The following NAV3 variants were observed in gnomAD, a reference collection of about 807,000 sequenced individuals.
NAV3 encodes pore membrane and/or filament interacting like protein 1.
NAV3 carries 87 observed loss-of-function variants against 244.7 expected under a neutral mutation model. The observed-to-expected ratio is 0.36, with a 90% CI of 0.30 to 0.42. The LOEUF (loss-of-function observed/expected upper bound fraction) is 0.42. Ranked by LOEUF, NAV3 falls within the 20% of genes least tolerant of loss-of-function variation. The probability of loss-of-function intolerance (pLI) is 1.00; values close to 1 mark genes in which losing one functional copy is unlikely to be tolerated. For synonymous variants in NAV3, 1,126 were observed against 1,042.2 expected, an observed-to-expected ratio of 1.08 and a Z score of -1.55; for missense variants, 2,663 against 2,893.3, an observed-to-expected ratio of 0.92 and a Z score of 1.83.
Position 78,197,246 on chromosome 12 carries a change from G to A in NAV3, c.6292-1G>A. On this transcript the variant is annotated splice_acceptor_variant, in intron 34 of 39. Transcript: ENST00000397909. LOFTEE classifies it high-confidence loss of function. ...TATCTGTTTTCTTCATTTTTTAAAAGGAATTGCAACAATATCTAGCTAACC... is the reference window on the plus strand; with the variant it reads ...TATCTGTTTTCTTCATTTTTTAAAAAGAATTGCAACAATATCTAGCTAACC... 1.3e-6 allele frequency: 2 copies of A among 1,517,250 alleles called. No individual in the cohort carries two copies. The highest frequency in any genetic ancestry group is 2.4e-5 in the East Asian group (1 of 41,902). 94.0% of individuals were successfully genotyped at this position (1,517,250 alleles called of 1,614,324 possible). A position where few individuals can be genotyped will look rare whatever the true frequency, so the allele number is the denominator to read the frequency against.
At chr12:78,195,807 A>G (rs1454195244) in intron 34 of NAV3, among the ~76,000 whole-genome samples, 1 of 152,006 alleles carries the variant, frequency 6.6e-6, no homozygotes, top group Non-Finnish European at 1.5e-5. Context: ...ATCTCATAAT[A>G]TATTTATGAT....
At chr12:77,665,357 C>A (rs1873668823) in intron 2 of NAV3, among the ~76,000 whole-genome samples, 1 of 152,124 alleles carries the variant, frequency 6.6e-6, no homozygotes, top group South Asian at 2.1e-4. Context: ...TTATATTTAG[C>A]CAGCATCACA....
intron 5 of NAV3, among the ~76,000 whole-genome samples, chr12:77,987,083 A>G (rs112890903): frequency 5.8e-4 from 88 of 152,298 alleles, no homozygotes; most frequent in African/African-American, 2.1e-3. Flanking sequence ...ATTTCTATGT[A>G]AAGTAGATTG....
chr12:78,154,599 C>T (rs769469516), intron 22 of NAV3, among the ~76,000 whole-genome samples: 1 of 151,444 alleles, frequency 6.6e-6, no homozygotes, highest in Non-Finnish European at 1.5e-5. Context: ...ATTCCCTTTA[C>T]TAATACTCAG....
At chr12:78,191,929 A>AT (rs1959000718) in intron 34 of NAV3, among the ~76,000 whole-genome samples, 1 of 152,116 alleles carries the variant, frequency 6.6e-6, no homozygotes, top group Admixed American at 6.6e-5. Context: ...AGCAAAATAG[A>AT]TTTATTGGAG....
intron 8 of NAV3, among the ~76,000 whole-genome samples, chr12:78,014,958 T>A (rs1875925894): frequency 6.6e-6 from 1 of 152,096 alleles, no homozygotes; most frequent in African/African-American, 2.4e-5. Context: ...CATCAGGTAG[T>A]GATTTGCATT....
Position 77,941,096 on chromosome 12 carries a change from A to G in NAV3, c.377A>G (p.Glu126Gly). ...IIQIIANEKV[E>G]DINGCPRSQS... ...TTGGCTTTAGCAAATGAAAAAGTTGAAGATATCAATGGATGTCCTAGAAGT... is the reference window on the plus strand; with the variant it reads ...TTGGCTTTAGCAAATGAAAAAGTTGGAGATATCAATGGATGTCCTAGAAGT... Residue 126 changes from glutamate (E) to glycine (G), a missense_variant, in exon 3 of 40, where the codon GAA becomes GGA. Physicochemically the swap from Glu to Gly is moderately conservative, Grantham distance 98 (BLOSUM62 -2). This residue lies in a region of NAV3 where 1,521 missense variants were observed against 1,497.0 expected (regional missense o/e 1.02). Transcript: ENST00000397909. 6.3e-7 allele frequency: 1 copy of G among 1,584,354 alleles called. No individual in the cohort carries two copies. Among genetic ancestry groups the G allele is most frequent in the Non-Finnish European group, 8.6e-7 (1 of 1,159,504 alleles).
At chr12:77,824,874 A>T (rs762965987) in intron 2 of NAV3, among the ~76,000 whole-genome samples, 2 of 148,892 alleles carry the variant, frequency 1.3e-5, no homozygotes, top group Non-Finnish European at 3.0e-5. Context: ...GCCTGGTGAG[A>T]GAACAAGACT....
At chr12:77,732,145 A>C (rs1877152419) in intron 2 of NAV3, among the ~76,000 whole-genome samples, 1 of 152,044 alleles carries the variant, frequency 6.6e-6, no homozygotes, top group African/African-American at 2.4e-5. Context: ...AAGGATTCCT[A>C]GTGCCTTTTC....
chr12:77,608,042 TAAAAGATCCAATAAG>T (rs777886532), intron 2 of NAV3, among the ~76,000 whole-genome samples: 54 of 152,086 alleles, frequency 3.6e-4, no homozygotes, highest in Non-Finnish European at 6.9e-4. Flanking sequence ...ACAAGCAAAG[TAAAAGATCCAATAAG>T]AAATGAGACT....
Position 78,185,597 on chromosome 12 carries a change from A to G in NAV3, c.5693-4A>G, listed in dbSNP as rs547025900. 36 of 1,606,568 alleles carry G rather than the reference A, an allele frequency of 2.2e-5. No individual in the cohort carries two copies. Among genetic ancestry groups the G allele is most frequent in the Middle Eastern group, 2.2e-4 (1 of 4,464 alleles). Reference sequence around the variant, plus strand: ...GTGTATGTCTTTCTTTTAAAATTTGATAGATATTTTGCTAGATGATGCTGG... The same window carrying G: ...GTGTATGTCTTTCTTTTAAAATTTGGTAGATATTTTGCTAGATGATGCTGG... On this transcript the variant is annotated splice_region_variant and splice_polypyrimidine_tract_variant and intron_variant, in intron 30 of 39. Coordinates refer to ENST00000397909, the MANE Select transcript of NAV3 (RefSeq NM_001024383.2).
At chr12:78,174,130 A>G (rs1458375899) in intron 24 of NAV3, among the ~76,000 whole-genome samples, 2 of 151,764 alleles carry the variant, frequency 1.3e-5, no homozygotes, top group Non-Finnish European at 2.9e-5. Flanking sequence ...TAAGTATATT[A>G]ACGGAAATGG....
intron 9 of NAV3, among the ~76,000 whole-genome samples, chr12:78,027,141 GA>G (rs1358890281): frequency 6.6e-6 from 1 of 152,038 alleles, no homozygotes; most frequent in African/African-American, 2.4e-5. Flanking sequence ...CAGCACATTA[GA>G]AAATGGAAGA....
At position 77,831,219 on chromosome 12, in the gene NAV3, A is replaced by AGAGAGAGAGAGAGAGAGAG. The variant is rs1873635914; in HGVS notation, c.-243_-242insGAGAGAGAGAGAGAGAGAG. ...ACAGAGAGAGAGAGAGAGAGAGAGA[A>AGAGAGAGAGAGAGAGAGAG]AGAGAGAGAGAGAGAGAATGAGAAT... On this transcript the variant is annotated 5_prime_UTR_variant, in exon 1 of 40. Coordinates refer to ENST00000397909, the MANE Select transcript of NAV3 (RefSeq NM_001024383.2). The AGAGAGAGAGAGAGAGAGAG allele has an allele frequency of 6.9e-6, 1 of 145,554 alleles. No homozygotes were observed. Among genetic ancestry groups the AGAGAGAGAGAGAGAGAGAG allele is most frequent in the Non-Finnish European group, 1.3e-5 (1 of 79,726 alleles). The allele number at this position is 145,554 out of a possible 1,614,324, so 9.0% of individuals were successfully genotyped here.
intron 2 of NAV3, among the ~76,000 whole-genome samples, chr12:77,741,148 C>CAAAAAAAAAAAAAAAAAAAAGAAAAAAAA: frequency 1.5e-5 from 1 of 68,668 alleles, no homozygotes; most frequent in Non-Finnish European, 2.7e-5. Context: ...AAAAAAAAGA[C>CAAAAAAAAAAAAAAAAAAAAGAAAAAAAA]AAAAAAAAAA....
At chr12:77,801,353 AT>A (rs1202163105) in intron 2 of NAV3, among the ~76,000 whole-genome samples, 1 of 152,144 alleles carries the variant, frequency 6.6e-6, no homozygotes, top group African/African-American at 2.4e-5. Context: ...GGTTTAAAAA[AT>A]AATTATTACA....
At chr12:77,630,725 C>T (rs1383180937) in intron 2 of NAV3, among the ~76,000 whole-genome samples, 2 of 152,068 alleles carry the variant, frequency 1.3e-5, no homozygotes, top group African/African-American at 4.8e-5. Flanking sequence ...TGTCTTCCAT[C>T]CTTGCTAAGA....
intron 3 of NAV3, among the ~76,000 whole-genome samples, chr12:77,942,015 A>G (rs1889917360): frequency 1.3e-5 from 2 of 152,244 alleles, no homozygotes; most frequent in Admixed American, 6.5e-5. Flanking sequence ...TTAATGTCAG[A>G]AAACTGAAAT....
chr12:78,118,633 A>G (rs1167404898), intron 14 of NAV3, among the ~76,000 whole-genome samples: 5 of 152,172 alleles, frequency 3.3e-5, no homozygotes, highest in African/African-American at 1.2e-4. Context: ...TGCGTTCTTA[A>G]TGAAAGTTTG....
Sources: allele counts gnomAD v4.1 joint callset (sites outside exome capture counted in the v4.1 genomes callset), GRCh38; gene constraint gnomAD v4.1.1; regional missense constraint gnomAD v4.1.1; transcripts MANE v1.5; gene names NCBI Gene and HGNC (gene_info 2026-07-23, HGNC 2026-07-21).